INO80B: variants seen among roughly 807,000 people sequenced by gnomAD.
INO80B encodes the protein IES2 homolog.
A neutral mutation model predicts 31.4 loss-of-function variants in INO80B; 18 were observed. The observed-to-expected ratio is 0.57, with a 90% CI of 0.40 to 0.85. INO80B has a LOEUF of 0.85. Ranked by LOEUF, INO80B falls within the 40% of genes least tolerant of loss-of-function variation. INO80B has a pLI of 0.00. For synonymous variants in INO80B, 238 were observed against 199.0 expected, an observed-to-expected ratio of 1.20 and a Z score of -1.65; for missense variants, 469 against 475.4, an observed-to-expected ratio of 0.99 and a Z score of 0.13.
intron 1 of INO80B, 55 bp from the exon 2 acceptor site, chr2:74,455,351 G>C (rs963541912): frequency 6.2e-7 from 1 of 1,606,328 alleles, no homozygotes; most frequent in Non-Finnish European, 8.5e-7. Flanking sequence ...AGGTTATTCA[G>C]GGCTTCCCCT....
At position 74,456,087 on chromosome 2, in the gene INO80B, C is replaced by A. The variant is rs746648424; in HGVS notation, c.371-16C>A. 6.3e-7 allele frequency: 1 copy of A among 1,577,570 alleles called. No individual in the cohort carries two copies. The highest frequency in any genetic ancestry group is 1.8e-5 in the Admixed American group (1 of 54,686). On this transcript the variant is annotated splice_polypyrimidine_tract_variant and intron_variant, in intron 3 of 4. Coordinates refer to ENST00000233331, the MANE Select transcript of INO80B (RefSeq NM_031288.4). ...TCTGAACAATTCTGTTTTTCTTTCT[C>A]CAACTTCCTTCCCAGATGAAGACAG...
chr2:74,455,980 G>A (rs764357978), intron 3 of INO80B, 44 bp downstream of exon 3: 2 of 1,550,888 alleles, frequency 1.3e-6, no homozygotes, highest in Non-Finnish European at 1.8e-6. Context: ...TATTATACCC[G>A]CCTAAAGAAA....
chr2:74,456,244 T>A lies in INO80B; in HGVS notation c.512T>A (p.Ile171Asn). Residue 171 changes from isoleucine (I) to asparagine (N), a missense_variant, in exon 4 of 5, where the codon ATC (isoleucine) becomes AAC (asparagine). Physicochemically the swap from Ile to Asn is moderately radical, Grantham distance 149 (BLOSUM62 -3). Transcript: ENST00000233331. ...LDDNGDLKKE[I>N]NERLLTARQR... ...GACAATGGAGACCTCAAGAAGGAGA[T>A]CAATGAGCGGCTGCTTACTGCTCGA... The A allele has an allele frequency of 6.2e-7, 1 of 1,614,124 alleles. No homozygotes were observed. Among genetic ancestry groups the A allele is most frequent in the Non-Finnish European group, 8.5e-7 (1 of 1,180,032 alleles).
rs1243255110 is a variant in INO80B at position 74,457,746 on chromosome 2, G to A, written c.953G>A (p.Arg318His). 1 of 1,600,128 alleles carries A rather than the reference G, an allele frequency of 6.2e-7. No homozygotes were observed. The highest frequency in any genetic ancestry group is 8.5e-7 in the Non-Finnish European group (1 of 1,179,698). ...TCTGTCCCCGGCTGTCCCCATCCGCGCCGCTACGCTTGCTCCCGCACAGGC... is the reference window on the plus strand; with the variant it reads ...TCTGTCCCCGGCTGTCCCCATCCGCACCGCTACGCTTGCTCCCGCACAGGC... ...RCSVPGCPHP[R>H]RYACSRTGQA... Residue 318 changes from arginine to histidine, a missense_variant, in exon 5 of 5, where the codon CGC (arginine) becomes CAC (histidine). This residue lies in a region of INO80B where 201 missense variants were observed against 151.7 expected (regional missense o/e 1.32). Transcript: ENST00000233331.
chr2:74,457,602 C>T lies in INO80B; in HGVS notation c.809C>T (p.Ala270Val), dbSNP rs1176518622. The T allele has an allele frequency of 3.2e-6, 5 of 1,542,052 alleles. No homozygotes were observed. In the South Asian group the frequency reaches 3.6e-5, roughly 11 times the overall value. Residue 270 changes from alanine (A) to valine (V), a missense_variant, in exon 5 of 5, where the codon GCC becomes GTC. This residue lies in a region of INO80B where 201 missense variants were observed against 151.7 expected (regional missense o/e 1.32). Transcript: ENST00000233331. ...ERRGGRAAAPAPMVRYCSGAQ... is the reference protein window; with the variant it reads ...ERRGGRAAAPVPMVRYCSGAQ... ...CGGGGAGGGCGGGCTGCGGCTCCGG[C>T]CCCCATGGTGCGCTACTGCAGCGGA...
intron 1 of INO80B, 113 bp from the exon 2 acceptor site, chr2:74,455,293 T>TG (rs1671663132): frequency 6.6e-7 from 1 of 1,525,072 alleles, no homozygotes; most frequent in Non-Finnish European, 9.1e-7. Flanking sequence ...GTGCTGTTGT[T>TG]ATGGTAACAG....
Position 74,455,423 on chromosome 2 carries a change from A to C in INO80B, c.76A>C (p.Ser26Arg). ...APEPGEALELSLAGAHGHGVH... is the reference protein window; with the variant it reads ...APEPGEALELRLAGAHGHGVH... ...TTCCACAGGAGAAGCCCTGGAGTTG[A>C]GCCTGGCGGGTGCCCATGGCCATGG... Residue 26 changes from serine to arginine, a missense_variant, in exon 2 of 5, where the codon AGC (serine) becomes CGC (arginine). Physicochemically the swap from Ser to Arg is moderately radical, Grantham distance 110 (BLOSUM62 -1). This residue lies in a region of INO80B where 223 missense variants were observed against 253.4 expected (regional missense o/e 0.88). Transcript: ENST00000233331. 3 of 1,614,144 alleles carry C rather than the reference A, an allele frequency of 1.9e-6. No individual in the cohort carries two copies. Among genetic ancestry groups the C allele is most frequent in the Non-Finnish European group, 2.5e-6 (3 of 1,180,028 alleles).
At position 74,457,661 on chromosome 2, in the gene INO80B, G is replaced by A; in HGVS notation, c.868G>A (p.Val290Ile). ...TTCCACCCTTTCCTTCCCACCTGGC[G>A]TCCCCGCCCCCACGGCAGTGTCTCA... ...QGSTLSFPPGVPAPTAVSQRP... is the reference protein window; with the variant it reads ...QGSTLSFPPGIPAPTAVSQRP... Residue 290 changes from valine (V) to isoleucine (I), a missense_variant, in exon 5 of 5, where the codon GTC (valine) becomes ATC (isoleucine). Physicochemically the swap from Val to Ile is conservative, Grantham distance 29 (BLOSUM62 3). This residue lies in a region of INO80B where 201 missense variants were observed against 151.7 expected (regional missense o/e 1.32). Coordinates refer to ENST00000233331, the MANE Select transcript of INO80B (RefSeq NM_031288.4). The A allele has an allele frequency of 6.3e-7, 1 of 1,599,566 alleles. No individual in the cohort carries two copies. The highest frequency in any genetic ancestry group is 8.5e-7 in the Non-Finnish European group (1 of 1,178,576).
chr2:74,455,741 G>C (rs1671675097), intron 2 of INO80B, 77 bp from the exon 3 acceptor site: 2 of 1,390,896 alleles, frequency 1.4e-6, no homozygotes, highest in East Asian at 4.6e-5. Context: ...TAAGAGGGTG[G>C]GGAAAGTTGG....
chr2:74,456,159 G>A lies in INO80B; in HGVS notation c.427G>A (p.Gly143Ser), dbSNP rs994621580. ...PLRDLSGGLG[G>S]QEEEEEQRWL... The stretch of plus-strand genomic sequence containing the variant: ...TCGGGACCTATCAGGAGGGTTAGGG[G>A]GTCAGGAGGAAGAGGAGGAACAGAG... Residue 143 changes from glycine (G) to serine (S), a missense_variant, in exon 4 of 5, where the codon GGT becomes AGT. Around this residue, in one of 3 missense-constraint regions of INO80B, gnomAD observed 223 missense variants for 253.4 expected, o/e 0.88. Coordinates refer to ENST00000233331, the MANE Select transcript of INO80B (RefSeq NM_031288.4). 3.1e-6 allele frequency: 5 copies of A among 1,613,106 alleles called. No individual in the cohort carries two copies. The highest frequency in any genetic ancestry group is 4.2e-6 in the Non-Finnish European group (5 of 1,179,508).
Position 74,456,179 on chromosome 2 carries a change from A to G in INO80B, c.447A>G (p.Glu149=), listed in dbSNP as rs1298338089. The change falls in exon 4 of 5, where the codon GAA becomes GAG. Residue 149 remains glutamate (E), a synonymous_variant. Transcript: ENST00000233331. The stretch of plus-strand genomic sequence containing the variant: ...TAGGGGGTCAGGAGGAAGAGGAGGA[A>G]CAGAGGTGGCTGGATGCCCTGGAGA... ...GGLGGQEEEE[E]QRWLDALEKG... 1 of 1,613,736 alleles carries G rather than the reference A, an allele frequency of 6.2e-7. No homozygotes were observed. The highest frequency in any genetic ancestry group is 1.3e-5 in the African/African-American group (1 of 74,922).
Position 74,456,181 on chromosome 2 carries a change from A to T in INO80B, c.449A>T (p.Gln150Leu), listed in dbSNP as rs564333532. Residue 150 changes from glutamine (Q) to leucine (L), a missense_variant, in exon 4 of 5, where the codon CAG becomes CTG. Around this residue, in one of 3 missense-constraint regions of INO80B, gnomAD observed 223 missense variants for 253.4 expected, o/e 0.88. Coordinates refer to ENST00000233331, the MANE Select transcript of INO80B (RefSeq NM_031288.4). ...GGGGGTCAGGAGGAAGAGGAGGAAC[A>T]GAGGTGGCTGGATGCCCTGGAGAAG... ...GLGGQEEEEEQRWLDALEKGE... is the reference protein window; with the variant it reads ...GLGGQEEEEELRWLDALEKGE... 6.2e-7 allele frequency: 1 copy of T among 1,613,972 alleles called. No individual in the cohort carries two copies. Among genetic ancestry groups the T allele is most frequent in the South Asian group, 1.1e-5 (1 of 91,052 alleles).
chr2:74,456,174 G>A lies in INO80B; in HGVS notation c.442G>A (p.Glu148Lys), dbSNP rs756911036. 6.2e-7 allele frequency: 1 copy of A among 1,613,792 alleles called. No individual in the cohort carries two copies. Among genetic ancestry groups the A allele is most frequent in the Non-Finnish European group, 8.5e-7 (1 of 1,179,806 alleles). The change falls in exon 4 of 5, where the codon GAG becomes AAG. Residue 148 changes from glutamate (E) to lysine (K), a missense_variant. Physicochemically the swap from Glu to Lys is moderately conservative, Grantham distance 56. Coordinates refer to ENST00000233331, the MANE Select transcript of INO80B (RefSeq NM_031288.4). Reference protein sequence around the residue: ...SGGLGGQEEEEEQRWLDALEK... With the variant: ...SGGLGGQEEEKEQRWLDALEK... ...AGGGTTAGGGGGTCAGGAGGAAGAGGAGGAACAGAGGTGGCTGGATGCCCT... is the reference window on the plus strand; with the variant it reads ...AGGGTTAGGGGGTCAGGAGGAAGAGAAGGAACAGAGGTGGCTGGATGCCCT...
chr2:74,456,391 G>C (rs1392878387), intron 4 of INO80B, 119 bp downstream of exon 4: 11 of 964,254 alleles, frequency 1.1e-5, no homozygotes, highest in Non-Finnish European at 1.7e-5. Flanking sequence ...CAAAGTTTCT[G>C]TTCTCCTGGA....
intron 1 of INO80B, 96 bp downstream of exon 1, chr2:74,455,270 A>C: frequency 1.3e-6 from 2 of 1,541,236 alleles, no homozygotes; most frequent in Non-Finnish European, 1.8e-6. Context: ...CACAGGTGGC[A>C]AGGAGAAAGG....
chr2:74,456,442 ATAAG>A (rs1237964669), intron 4 of INO80B, among the ~76,000 whole-genome samples, 170 bp downstream of exon 4: 2 of 152,252 alleles, frequency 1.3e-5, no homozygotes, highest in Non-Finnish European at 2.9e-5. Flanking sequence ...TGGGAAGTAA[ATAAG>A]TAAATAATTT....
At chr2:74,456,370 T>C (rs886638161) in intron 4 of INO80B, 98 bp downstream of exon 4, 3 of 1,234,486 alleles carry the variant, frequency 2.4e-6, no homozygotes, top group African/African-American at 3.0e-5. Flanking sequence ...ATATCGATAG[T>C]AGAGAAAAGA....
rs763604336 is a variant in INO80B at position 74,455,482 on chromosome 2, G to A, written c.135G>A (p.Lys45=). ...VHKKKHKKHK[K]KHKKKHHQEE... is the part of the protein sequence containing the mutation. ...AGAAAAAACACAAGAAGCACAAGAAGAAACACAAGAAGAAACACCATCAGG... is the reference window on the plus strand; with the variant it reads ...AGAAAAAACACAAGAAGCACAAGAAAAAACACAAGAAGAAACACCATCAGG... The change falls in exon 2 of 5, where the codon AAG becomes AAA. Residue 45 remains lysine (K), a synonymous_variant. Coordinates refer to ENST00000233331, the MANE Select transcript of INO80B (RefSeq NM_031288.4). The A allele has an allele frequency of 5.6e-6, 9 of 1,614,044 alleles. No homozygotes were observed. The highest frequency in any genetic ancestry group is 1.6e-4 in the Middle Eastern group (1 of 6,062).
chr2:74,456,365 G>A (rs567536335), intron 4 of INO80B, 93 bp downstream of exon 4: 3 of 1,290,590 alleles, frequency 2.3e-6, no homozygotes, highest in Admixed American at 2.0e-5. Flanking sequence ...TGGGGATATC[G>A]ATAGTAGAGA....
Sources: gnomAD v4.1 joint callset for allele counts (sites outside exome capture counted in the v4.1 genomes callset) on GRCh38, gnomAD v4.1.1 for gene constraint, gnomAD v4.1.1 regional missense constraint, MANE v1.5 for transcripts, NCBI Gene and HGNC (gene_info 2026-07-23, HGNC 2026-07-21) for gene names.